The following PCOLCE variants were observed in gnomAD, a reference collection of about 807,000 sequenced individuals.
PCOLCE encodes the protein procollagen C-endopeptidase enhancer 1.
PCOLCE carries 33 observed loss-of-function variants against 47.2 expected under a neutral mutation model. That is an observed-to-expected ratio of 0.70 (90% CI 0.53 to 0.93). The LOEUF (loss-of-function observed/expected upper bound fraction) is 0.93. PCOLCE is among the 40% of genes least tolerant of loss of function. The pLI, the probability that PCOLCE is intolerant of heterozygous loss-of-function variation, is 0.00. For missense variants in PCOLCE, 584 were observed against 585.3 expected (o/e 1.00, Z 0.02); for synonymous variants, 254 against 252.5 (o/e 1.01, Z -0.06).
chr7:100,603,181 G>T (rs1290665184), intron 1 of PCOLCE: 1 of 402,690 alleles, frequency 2.5e-6, no homozygotes, highest in Admixed American at 4.6e-5. Context: ...TGGGGTGGGG[G>T]TGGGGACTCT....
At position 100,604,876 on chromosome 7, in the gene PCOLCE, G is replaced by A. The variant is rs1262172153; in HGVS notation, c.464-215G>A. 5.8e-6 allele frequency: 3 copies of A among 517,808 alleles called. No individual in the cohort carries two copies. In the East Asian group the frequency reaches 9.6e-5, roughly 16 times the overall value. The allele number at this position is 517,808 out of a possible 1,614,324, so 32.1% of individuals were successfully genotyped here. A position where few individuals can be genotyped will look rare whatever the true frequency, so the allele number is the denominator to read the frequency against. ...GTTCCTCCTCCCGCTTCCACCGCCC[G>A]CCAGTGCGCCCTGCGGCCCCAGACT... On this transcript the variant is annotated intron_variant, in intron 3 of 8. Transcript: ENST00000223061. This position sits in a 1 kb window ranked among gnomAD's most constrained non-coding sequence, Gnocchi z 6.4.
rs1802748715 is a variant in PCOLCE at position 100,608,078 on chromosome 7, T to G, written c.1325T>G (p.Val442Gly). ...LSKRKCPSQP[V>G]RAAASQD ...AAGAGGAAGTGCCCCTCTCAACCTGTGCGGGCTGCTGCGTCCCAGGACTGA... is the reference window on the plus strand; with the variant it reads ...AAGAGGAAGTGCCCCTCTCAACCTGGGCGGGCTGCTGCGTCCCAGGACTGA... Residue 442 changes from valine (V) to glycine (G), a missense_variant, in exon 9 of 9, where the codon GTG becomes GGG. Physicochemically the swap from Val to Gly is moderately radical, Grantham distance 109 (BLOSUM62 -3). Coordinates refer to ENST00000223061, the MANE Select transcript of PCOLCE (RefSeq NM_002593.4). 1.2e-6 allele frequency: 2 copies of G among 1,613,768 alleles called. No homozygotes were observed. Among genetic ancestry groups the G allele is most frequent in the Non-Finnish European group, 8.5e-7 (1 of 1,180,022 alleles).
rs376261914 is a variant in PCOLCE at position 100,607,687 on chromosome 7, G to A, written c.1063G>A (p.Ala355Thr). Residue 355 changes from alanine (A) to threonine (T), a missense_variant, in exon 8 of 9, where the codon GCC (alanine) becomes ACC (threonine). Physicochemically the swap from Ala to Thr is moderately conservative, Grantham distance 58. Transcript: ENST00000223061. ...GGTTCGGGAGCCAGGGGAGGGCCTT[G>A]CCGTGACTGTCAGTCTTATTGGTGC... Reference protein sequence around the residue: ...SMVREPGEGLAVTVSLIGAYK... With the variant: ...SMVREPGEGLTVTVSLIGAYK... 2 of 1,613,976 alleles carry A rather than the reference G, an allele frequency of 1.2e-6. No homozygotes were observed. Among genetic ancestry groups the A allele is most frequent in the African/African-American group, 2.7e-5 (2 of 74,888 alleles).
intron 1 of PCOLCE, 41 bp downstream of exon 1, chr7:100,602,592 C>G: frequency 1.6e-6 from 2 of 1,276,728 alleles, no homozygotes; most frequent in Non-Finnish European, 2.3e-6. Context: ...CAGTGAACTT[C>G]AGACCCCCGA....
chr7:100,606,675 C>A, intron 6 of PCOLCE, 45 bp downstream of exon 6: 1 of 1,463,614 alleles, frequency 6.8e-7, no homozygotes, highest in Non-Finnish European at 9.3e-7. Context: ...CTGAAGGGGG[C>A]CATTTCAAAA....
At position 100,604,765 on chromosome 7, in the gene PCOLCE, G is replaced by A; in HGVS notation, c.464-326G>A. 1 of 379,248 alleles carries A rather than the reference G, an allele frequency of 2.6e-6. No individual in the cohort carries two copies. Among genetic ancestry groups the A allele is most frequent in the Non-Finnish European group, 4.9e-6 (1 of 205,012 alleles). 23.5% of individuals were successfully genotyped at this position (379,248 alleles called of 1,614,324 possible). A position where few individuals can be genotyped will look rare whatever the true frequency, so the allele number is the denominator to read the frequency against. On this transcript the variant is annotated intron_variant, in intron 3 of 8. Transcript: ENST00000223061. The surrounding 1 kb of genome is among the most constrained non-coding windows in gnomAD (Gnocchi z 6.4). ...CTCCAGCCTGAAAGGGGACTCTGCT[G>A]CAGGGCCGGGGAGATGGGATCTCCT... is the stretch of plus-strand genomic sequence containing the variant.
In PCOLCE at chr7:100,605,527, C is replaced by G; in HGVS notation, c.589-149C>G. ...CAGGGTCCCATGGGTGTGTGTGGTC[C>G]TCCGTGCTGTGGTGTGAACGCCTTC... is the stretch of plus-strand genomic sequence containing the variant. On this transcript the variant is annotated intron_variant, in intron 4 of 8. Transcript: ENST00000223061. The surrounding 1 kb of genome is among the most constrained non-coding windows in gnomAD (Gnocchi z 6.1). The G allele has an allele frequency of 1.1e-6, 1 of 949,940 alleles. No homozygotes were observed. Among genetic ancestry groups the G allele is most frequent in the Non-Finnish European group, 1.6e-6 (1 of 642,246 alleles). 58.8% of individuals were successfully genotyped at this position (949,940 alleles called of 1,614,324 possible). A position where few individuals can be genotyped will look rare whatever the true frequency, so the allele number is the denominator to read the frequency against.
chr7:100,604,942 G>A lies in PCOLCE; in HGVS notation c.464-149G>A. 1.7e-6 allele frequency: 1 copy of A among 586,914 alleles called. No individual in the cohort carries two copies. Among genetic ancestry groups the A allele is most frequent in the Admixed American group, 2.9e-5 (1 of 34,788 alleles). The allele number at this position is 586,914 out of a possible 1,614,324, so 36.4% of individuals were successfully genotyped here. ...CCTCCCGGCCGCTCTCTGTTAACCT[G>A]CCCCCATCTTACCTCCCCTTCTTCT... On this transcript the variant is annotated intron_variant, in intron 3 of 8. Coordinates refer to ENST00000223061, the MANE Select transcript of PCOLCE (RefSeq NM_002593.4). This position sits in a 1 kb window ranked among gnomAD's most constrained non-coding sequence, Gnocchi z 6.4.
At chr7:100,606,983 C>T (rs866611050) in intron 6 of PCOLCE, among the ~76,000 whole-genome samples, 3 of 150,962 alleles carry the variant, frequency 2.0e-5, no homozygotes, top group South Asian at 2.1e-4. Context: ...CCCAGCTACT[C>T]GGGAGGCTGA....
chr7:100,606,225 G>GT, intron 5 of PCOLCE, 191 bp from the exon 6 acceptor site: 1 of 571,236 alleles, frequency 1.8e-6, no homozygotes, highest in South Asian at 2.2e-5. Flanking sequence ...GCAACTTGCG[G>GT]GGCTGAGGCA....
rs1274177800 is a variant in PCOLCE, at chr7:100,604,467, C to T, written c.463+250C>T. 3 of 608,592 alleles carry T rather than the reference C, an allele frequency of 4.9e-6. No individual in the cohort carries two copies. The highest frequency in any genetic ancestry group is 1.9e-5 in the African/African-American group (1 of 53,944). 37.7% of individuals were successfully genotyped at this position (608,592 alleles called of 1,614,324 possible). ...GCGAGGCGGAAATGGGTCACCGACC[C>T]GCGGGTGGAATGGGCGGCCTGGGGT... On this transcript the variant is annotated intron_variant, in intron 3 of 8. Transcript: ENST00000223061. This position sits in a 1 kb window ranked among gnomAD's most constrained non-coding sequence, Gnocchi z 6.4.
At chr7:100,607,245 A>G (rs894301072) in intron 6 of PCOLCE, among the ~76,000 whole-genome samples, 1 of 152,114 alleles carries the variant, frequency 6.6e-6, no homozygotes, top group African/African-American at 2.4e-5. Context: ...TCCATCTTAA[A>G]CAAACAAAAA....
intron 1 of PCOLCE, chr7:100,603,177 G>C: frequency 2.5e-6 from 1 of 392,932 alleles, no homozygotes; most frequent in Non-Finnish European, 4.5e-6. Context: ...CTGTTGGGGT[G>C]GGGGTGGGGA....
In PCOLCE at chr7:100,607,784, A is replaced by G. The variant is rs1449150552; in HGVS notation, c.1160A>G (p.Lys387Arg). The G allele has an allele frequency of 2.5e-6, 4 of 1,614,180 alleles. No individual in the cohort carries two copies. The highest frequency in any genetic ancestry group is 1.1e-5 in the South Asian group (1 of 91,086). The change falls in exon 8 of 9, where the codon AAG (lysine) becomes AGG (arginine). Residue 387 changes from lysine (K) to arginine (R), a missense_variant. Transcript: ENST00000223061. ...TCCCTGAAGTTTTACGTGCCTTGCA[A>G]GCAGTGCCCCCCCATGAAGAAAGGT... Reference protein sequence around the residue: ...GASLKFYVPCKQCPPMKKGVS... With the variant: ...GASLKFYVPCRQCPPMKKGVS...
intron 2 of PCOLCE, 173 bp from the exon 3 acceptor site, chr7:100,603,786 G>A (rs1802656957): frequency 1.4e-6 from 1 of 707,766 alleles, no homozygotes; most frequent in Non-Finnish European, 2.3e-6. Context: ...CTTGTCCCCT[G>A]CACAGGCTAC....
rs112048566 is a variant in PCOLCE, at chr7:100,606,985, G to T, written c.940+355G>T. On this transcript the variant is annotated intron_variant, in intron 6 of 8. Transcript: ENST00000223061. Reference sequence around the variant, plus strand: ...ACACACCTGTAATCCCAGCTACTCGGGAGGCTGAGGCAGGAGAGTCGCTTG... The same window carrying T: ...ACACACCTGTAATCCCAGCTACTCGTGAGGCTGAGGCAGGAGAGTCGCTTG... Among the ~76,000 whole-genome samples the T allele has an allele frequency of 9.7e-3, 1,478 of 151,948 alleles. 30 individuals are homozygous for T. The highest frequency in any genetic ancestry group is 0.035 in the African/African-American group (1,428 of 41,378).
Position 100,605,378 on chromosome 7 carries a change from T to A in PCOLCE, c.588+163T>A. 1.4e-6 allele frequency: 1 copy of A among 737,166 alleles called. No individual in the cohort carries two copies. The highest frequency in any genetic ancestry group is 2.2e-6 in the Non-Finnish European group (1 of 456,706). The allele number at this position is 737,166 out of a possible 1,614,324, so 45.7% of individuals were successfully genotyped here. On this transcript the variant is annotated intron_variant, in intron 4 of 8. Transcript: ENST00000223061. This position sits in a 1 kb window ranked among gnomAD's most constrained non-coding sequence, Gnocchi z 6.1. ...CCCTGCATGCACGCAAACAAAAATG[T>A]AAAAATTACAACTGAGACAAGTCTC...
rs1802657160 is a variant in PCOLCE, at chr7:100,603,798, A to C, written c.205-161A>C. 5 of 762,554 alleles carry C rather than the reference A, an allele frequency of 6.6e-6. No homozygotes were observed. The South Asian group carries it at 8.8e-5, about 13-fold the overall frequency. 47.2% of individuals were successfully genotyped at this position (762,554 alleles called of 1,614,324 possible). Reference sequence around the variant, plus strand: ...GCTCTTGTCCCCTGCACAGGCTACCAGCAGAGCTGCAGAGACCAGGCCCTC... The same window carrying C: ...GCTCTTGTCCCCTGCACAGGCTACCCGCAGAGCTGCAGAGACCAGGCCCTC... On this transcript the variant is annotated intron_variant, in intron 2 of 8. Coordinates refer to ENST00000223061, the MANE Select transcript of PCOLCE (RefSeq NM_002593.4).
At chr7:100,602,691 C>T (rs930476168) in intron 1 of PCOLCE, 140 bp downstream of exon 1, 3 of 640,366 alleles carry the variant, frequency 4.7e-6, no homozygotes, top group African/African-American at 3.6e-5. Flanking sequence ...CTTCTCTGGC[C>T]CCCAAATCCT....
Sources: gnomAD v4.1 joint callset for allele counts (sites outside exome capture counted in the v4.1 genomes callset) on GRCh38, gnomAD v4.1.1 for gene constraint, Gnocchi (gnomAD v3.1) non-coding constraint, MANE v1.5 for transcripts, NCBI Gene and HGNC (gene_info 2026-07-23, HGNC 2026-07-21) for gene names.